The following SLC49A4 variants were observed in gnomAD, a reference collection of about 807,000 sequenced individuals.
SLC49A4 encodes disrupted in renal cancer protein 2.
A neutral mutation model predicts 50.6 loss-of-function variants in SLC49A4; 36 were observed. The observed-to-expected ratio is 0.71, with a 90% CI of 0.55 to 0.94. SLC49A4 has a LOEUF of 0.94. SLC49A4 is among the 40% of genes least tolerant of loss of function. The probability of loss-of-function intolerance (pLI) is 0.00; values close to 1 mark genes in which losing one functional copy is unlikely to be tolerated. For missense variants in SLC49A4, 503 were observed against 605.7 expected, an observed-to-expected ratio of 0.83 and a Z score of 1.78; for synonymous variants, 248 against 241.2, an observed-to-expected ratio of 1.03 and a Z score of -0.26.
chr3:122,848,020 C>T (rs889666483), intron 5 of SLC49A4, among the ~76,000 whole-genome samples: 23 of 152,152 alleles, frequency 1.5e-4, no homozygotes, highest in Non-Finnish European at 1.0e-4. Context: ...TTTTCAAGTG[C>T]GGGATAGCCA....
rs565983020 is a variant in SLC49A4 at position 122,803,262 on chromosome 3, G to A, written c.344-3595G>A. Among the ~76,000 whole-genome samples, 21 of 152,232 alleles carry A rather than the reference G, an allele frequency of 1.4e-4. No individual in the cohort carries two copies. The South Asian group carries it at 3.9e-3, about 29-fold the overall frequency. On this transcript the variant is annotated intron_variant, in intron 1 of 8. Coordinates refer to ENST00000261038, the MANE Select transcript of SLC49A4 (RefSeq NM_032839.3). ...GAATGATCTGGAAGTGGCAGGGAAA[G>A]CAATGTAAGGGATTTCTCTGGGAGT...
At chr3:122,858,759 A>G (rs955569120) in intron 6 of SLC49A4, among the ~76,000 whole-genome samples, 2 of 152,216 alleles carry the variant, frequency 1.3e-5, no homozygotes, top group African/African-American at 2.4e-5. Context: ...GGGATCAGCT[A>G]TTCTATAAGA....
In SLC49A4 at chr3:122,849,708, TATAG is replaced by T. The variant is rs1199955791; in HGVS notation, c.942+3846_942+3849del. Reference sequence around the variant, plus strand: ...TTGCTGTTGAGTTGCTTGGGTTCCTTATAGATAGATAGTGGTTCTTAATCCCTTG... The same window carrying T: ...TTGCTGTTGAGTTGCTTGGGTTCCTTATAGATAGTGGTTCTTAATCCCTTG... On this transcript the variant is annotated intron_variant, in intron 5 of 8. Coordinates refer to ENST00000261038, the MANE Select transcript of SLC49A4 (RefSeq NM_032839.3). Among the ~76,000 whole-genome samples the T allele has an allele frequency of 4.6e-5, 7 of 152,288 alleles. No individual in the cohort carries two copies. The East Asian group carries it at 1.2e-3, about 25-fold the overall frequency.
intron 5 of SLC49A4, among the ~76,000 whole-genome samples, chr3:122,852,215 C>T (rs1475498848): frequency 2.0e-5 from 3 of 152,194 alleles, no homozygotes; most frequent in Non-Finnish European, 2.9e-5. Flanking sequence ...TGGTCTCAAA[C>T]TCCTGACCTC....
At chr3:122,867,227 A>G (rs773921885) in intron 7 of SLC49A4, among the ~76,000 whole-genome samples, 1 of 152,194 alleles carries the variant, frequency 6.6e-6, no homozygotes, top group African/African-American at 2.4e-5. Flanking sequence ...ATGTGCAGTC[A>G]CTTCCAGCTT....
intron 2 of SLC49A4, among the ~76,000 whole-genome samples, chr3:122,808,436 G>A (rs1048438662): frequency 3.3e-5 from 5 of 152,166 alleles, no homozygotes; most frequent in Non-Finnish European, 5.9e-5. Context: ...AGTAATGGAT[G>A]ATGCAGTATC....
At chr3:122,876,411 AG>A (rs1937269030) in intron 8 of SLC49A4, among the ~76,000 whole-genome samples, 1 of 152,192 alleles carries the variant, frequency 6.6e-6, no homozygotes. Flanking sequence ...CAGAGGTGGG[AG>A]GCATTGACTA....
At chr3:122,879,225 C>T in intron 8 of SLC49A4, 38 bp from the exon 9 acceptor site, 2 of 1,453,248 alleles carry the variant, frequency 1.4e-6, no homozygotes, top group South Asian at 1.1e-5. Context: ...GCTGGTGATA[C>T]ATGAATGTTT....
At chr3:122,820,187 T>A (rs1936431477) in intron 2 of SLC49A4, among the ~76,000 whole-genome samples, 1 of 152,180 alleles carries the variant, frequency 6.6e-6, no homozygotes, top group Non-Finnish European at 1.5e-5. Flanking sequence ...TAATTTTTTT[T>A]ATTATTAACA....
At chr3:122,823,444 A>T (rs1289392601) in intron 2 of SLC49A4, among the ~76,000 whole-genome samples, 1 of 152,162 alleles carries the variant, frequency 6.6e-6, no homozygotes, top group East Asian at 1.9e-4. Context: ...AGGCCTAACT[A>T]TTGCCTTCTT....
chr3:122,869,032 TG>T (rs935812116), intron 7 of SLC49A4, among the ~76,000 whole-genome samples: 3 of 152,356 alleles, frequency 2.0e-5, no homozygotes, highest in African/African-American at 7.2e-5. Context: ...TCAGCTCACC[TG>T]GTGATAACCA....
At chr3:122,861,020 G>A (rs1225116998) in intron 7 of SLC49A4, among the ~76,000 whole-genome samples, 6 of 152,044 alleles carry the variant, frequency 3.9e-5, no homozygotes, top group Non-Finnish European at 8.8e-5. Context: ...TCCTTTTCAC[G>A]TTGCATTATC....
At chr3:122,814,229 C>G (rs1015316389) in intron 2 of SLC49A4, among the ~76,000 whole-genome samples, 1 of 152,170 alleles carries the variant, frequency 6.6e-6, no homozygotes, top group African/African-American at 2.4e-5. Context: ...GATTGCGCCA[C>G]TGCACTCCAG....
At chr3:122,854,467 C>T (rs1936960988) in intron 5 of SLC49A4, among the ~76,000 whole-genome samples, 2 of 152,230 alleles carry the variant, frequency 1.3e-5, no homozygotes, top group Non-Finnish European at 2.9e-5. Flanking sequence ...CTCTTTTCCT[C>T]ACACTGATTT....
chr3:122,852,285 C>T (rs749220141), intron 5 of SLC49A4, among the ~76,000 whole-genome samples: 2 of 152,190 alleles, frequency 1.3e-5, no homozygotes, highest in Non-Finnish European at 2.9e-5. Context: ...AGCCACCACA[C>T]CTGGCCTGTC....
intron 1 of SLC49A4, among the ~76,000 whole-genome samples, chr3:122,797,504 A>T (rs1466001586): frequency 6.6e-6 from 1 of 152,212 alleles, no homozygotes; most frequent in African/African-American, 2.4e-5. Context: ...AAGCAATACA[A>T]GGAAGAACCT....
chr3:122,828,271 G>A (rs896557013), intron 3 of SLC49A4, among the ~76,000 whole-genome samples: 1 of 152,158 alleles, frequency 6.6e-6, no homozygotes, highest in African/African-American at 2.4e-5. Context: ...GTAAAATAGA[G>A]CAGGGAGTAT....
intron 1 of SLC49A4, among the ~76,000 whole-genome samples, chr3:122,803,280 C>A (rs1257540280): frequency 1.3e-5 from 2 of 151,984 alleles, no homozygotes; most frequent in South Asian, 4.1e-4. Flanking sequence ...AGGGATTTCT[C>A]TGGGAGTAAG....
chr3:122,839,314 CT>C (rs1936735789), intron 4 of SLC49A4, among the ~76,000 whole-genome samples: 1 of 152,066 alleles, frequency 6.6e-6, no homozygotes, highest in African/African-American at 2.4e-5. Context: ...TGGAGAAACA[CT>C]TCTGGACATT....
Sources: allele counts gnomAD v4.1 joint callset (sites outside exome capture counted in the v4.1 genomes callset), GRCh38; gene constraint gnomAD v4.1.1; transcripts MANE v1.5; gene names NCBI Gene and HGNC (gene_info 2026-07-23, HGNC 2026-07-21).